Variants in DNAH3 observed in about 807,000 individuals in gnomAD.
The protein encoded by DNAH3 is axonemal beta dynein heavy chain 3.
A neutral mutation model predicts 432.5 loss-of-function variants in DNAH3; 332 were observed. The ratio of observed to expected loss-of-function variants is 0.77; its 90% CI spans 0.70 to 0.84. The LOEUF is 0.84. DNAH3 is among the 40% of genes least tolerant of loss of function. The pLI, the probability that DNAH3 is intolerant of heterozygous loss-of-function variation, is 0.00. For missense variants in DNAH3, 4,861 were observed against 5,114.0 expected (o/e 0.95, Z 1.51); for synonymous variants, 1,956 against 1,900.2 (o/e 1.03, Z -0.76).
exon 34 of DNAH3, chr16:21,037,978 A>G (rs2089256271): frequency 2.5e-6 from 4 of 1,613,934 alleles, no homozygotes; most frequent in Non-Finnish European, 3.4e-6. Flanking sequence ...CTTCTGGGCG[A>G]GACTAGAAGG....
At chr16:20,974,586 T>TG (rs1555514759) in intron 51 of DNAH3, among the ~76,000 whole-genome samples, 2 of 135,240 alleles carry the variant, frequency 1.5e-5, no homozygotes, top group Non-Finnish European at 3.2e-5. Context: ...AGTGTTTTTT[T>TG]TTTTTTTTTT....
rs1284284303 is a variant in DNAH3, at chr16:20,959,324, T to C, written c.10681A>G (p.Ile3561Val). 29 of 1,614,014 alleles carry C rather than the reference T, an allele frequency of 1.8e-5. No individual in the cohort carries two copies. In the Admixed American group the frequency reaches 2.0e-4, roughly 11 times the overall value. Reference sequence around the variant, plus strand: ...GCATTGTTGATCATTTTGGCAGCAATAGGGCCTTGGCCTTGGCCAAGGGAG... The same window carrying C: ...GCATTGTTGATCATTTTGGCAGCAACAGGGCCTTGGCCTTGGCCAAGGGAG... The change falls in exon 54 of 62, where the codon ATT becomes GTT. Residue 3561 changes from isoleucine to valine, a missense_variant. Ile to Val is a conservative substitution (Grantham distance 29). Transcript: ENST00000261383.
At chr16:20,970,862 TC>T (rs1567553984) in intron 51 of DNAH3, among the ~76,000 whole-genome samples, 5 of 141,738 alleles carry the variant, frequency 3.5e-5, no homozygotes, top group East Asian at 2.1e-4. Context: ...TTTTCTCTAT[TC>T]TTTTTTTTTT....
chr16:21,063,232 A>C (rs1239873960), intron 24 of DNAH3, among the ~76,000 whole-genome samples: 2 of 152,138 alleles, frequency 1.3e-5, no homozygotes, highest in African/African-American at 4.8e-5. Context: ...CATTGTCCAG[A>C]GATTCTAATA....
At chr16:21,024,740 T>C in intron 38 of DNAH3, 39 bp from the exon 39 acceptor site, 1 of 1,466,764 alleles carries the variant, frequency 6.8e-7, no homozygotes, top group Non-Finnish European at 9.5e-7. Context: ...GCTCGCTTCT[T>C]TGTTACTAAT....
At chr16:21,073,710 T>C (rs1398463633) in intron 21 of DNAH3, among the ~76,000 whole-genome samples, 2 of 152,116 alleles carry the variant, frequency 1.3e-5, no homozygotes, top group Admixed American at 1.3e-4. Context: ...GAAGCAAGCA[T>C]AAAATCCTGA....
chr16:20,938,795 G>A (rs1009482973), intron 59 of DNAH3, among the ~76,000 whole-genome samples: 6 of 149,212 alleles, frequency 4.0e-5, no homozygotes, highest in Non-Finnish European at 5.9e-5. Context: ...TTTTTCTTTT[G>A]AGACAGGGTC....
rs373199365 is a variant in DNAH3 at position 21,112,074 on chromosome 16, A to T, written c.1839T>A (p.Tyr613Ter). 2 of 1,612,832 alleles carry T rather than the reference A, an allele frequency of 1.2e-6. No individual in the cohort carries two copies. The highest frequency in any genetic ancestry group is 1.7e-6 in the Non-Finnish European group (2 of 1,179,238). The change falls in exon 13 of 62, where the codon TAT becomes TAA. Residue 613 changes from tyrosine (Y) to a stop codon, truncating the protein, a stop_gained. Transcript: ENST00000261383. LOFTEE classifies it high-confidence loss of function. ...CTGCCGTGTTATCCAATAAGTCAAC[A>T]TACTTTTTGTAGACATTTAAATATC...
chr16:21,117,613 G>A (rs1008336907), intron 11 of DNAH3, among the ~76,000 whole-genome samples: 6 of 152,090 alleles, frequency 3.9e-5, no homozygotes, highest in East Asian at 1.9e-4. Context: ...GCCCCACAAC[G>A]CTCCAGTGGA....
chr16:21,152,604 C>A (rs1216061254), intron 1 of DNAH3, among the ~76,000 whole-genome samples: 1 of 152,242 alleles, frequency 6.6e-6, no homozygotes, highest in African/African-American at 2.4e-5. Context: ...GAGGGAGAGG[C>A]GCGAGCGGGA....
intron 25 of DNAH3, among the ~76,000 whole-genome samples, 174 bp from the exon 26 acceptor site, chr16:21,060,530 T>C (rs960414565): frequency 5.1e-5 from 7 of 137,064 alleles, no homozygotes; most frequent in African/African-American, 1.5e-4. Flanking sequence ...TTTTTTCTTT[T>C]TTTTTTTTTT....
intron 58 of DNAH3, among the ~76,000 whole-genome samples, 155 bp downstream of exon 58, chr16:20,944,341 C>T (rs1046895397): frequency 2.6e-5 from 4 of 152,228 alleles, no homozygotes; most frequent in Non-Finnish European, 4.4e-5. Context: ...TAAGGACTCC[C>T]GGCAGTAAGG....
exon 54 of DNAH3, chr16:20,959,303 T>C (rs2084707094): frequency 6.2e-7 from 1 of 1,614,206 alleles, no homozygotes; most frequent in South Asian, 1.1e-5. Flanking sequence ...TTGATGGCAT[T>C]GTTGATCATT....
At chr16:20,947,263 G>A (rs2084090973) in intron 57 of DNAH3, among the ~76,000 whole-genome samples, 1 of 152,094 alleles carries the variant, frequency 6.6e-6, no homozygotes, top group Non-Finnish European at 1.5e-5. Context: ...GAGGTTCCTG[G>A]AGGGTATTTC....
intron 8 of DNAH3, among the ~76,000 whole-genome samples, chr16:21,126,166 T>C (rs1567836360): frequency 6.8e-6 from 1 of 146,854 alleles, no homozygotes; most frequent in African/African-American, 2.6e-5. Context: ...AAACTCTGTC[T>C]CAAACAAACA....
At chr16:21,026,994 T>C (rs1455398458) in intron 38 of DNAH3, 33 bp downstream of exon 38, 2 of 1,517,734 alleles carry the variant, frequency 1.3e-6, no homozygotes, top group Non-Finnish European at 1.8e-6. Context: ...GGAGCCACAC[T>C]GTCCCCCGGG....
intron 55 of DNAH3, among the ~76,000 whole-genome samples, chr16:20,954,362 C>T (rs538858158): frequency 6.9e-6 from 1 of 144,956 alleles, no homozygotes; most frequent in South Asian, 2.2e-4. Flanking sequence ...GTGATATGGG[C>T]TCACTACAAA....
intron 51 of DNAH3, among the ~76,000 whole-genome samples, chr16:20,972,482 C>T (rs549736368): frequency 5.2e-4 from 79 of 152,254 alleles, no homozygotes; most frequent in African/African-American, 1.9e-3. Context: ...AAGCCATCCT[C>T]CTGCCTCAGC....
chr16:21,135,435 G>C (rs555576896), intron 6 of DNAH3, among the ~76,000 whole-genome samples: 11 of 152,318 alleles, frequency 7.2e-5, no homozygotes, highest in Non-Finnish European at 1.5e-4. Context: ...GCTCACACCT[G>C]TAATCCCAGC....
Sources: gnomAD v4.1 joint callset for allele counts (sites outside exome capture counted in the v4.1 genomes callset) on GRCh38, gnomAD v4.1.1 for gene constraint, MANE v1.5 for transcripts, NCBI Gene and HGNC (gene_info 2026-07-23, HGNC 2026-07-21) for gene names.